The following ZNRF3 variants were observed in gnomAD, a reference collection of about 807,000 sequenced individuals.
The protein encoded by ZNRF3 is E3 ubiquitin-protein ligase ZNRF3.
A neutral mutation model predicts 72.5 loss-of-function variants in ZNRF3; 23 were observed. The observed-to-expected ratio is 0.32, with a 90% CI of 0.23 to 0.45. The LOEUF is 0.45. ZNRF3 is among the 20% of genes least tolerant of loss of function. ZNRF3 has a pLI of 1.00. For missense variants in ZNRF3, 1,169 were observed against 1,272.1 expected, an observed-to-expected ratio of 0.92 and a Z score of 1.23; for synonymous variants, 610 against 545.3, an observed-to-expected ratio of 1.12 and a Z score of -1.65.
chr22:28,999,819 A>G (rs904636716), intron 2 of ZNRF3, among the ~76,000 whole-genome samples: 2 of 152,162 alleles, frequency 1.3e-5, no homozygotes, highest in African/African-American at 4.8e-5. Context: ...GCACCTGTGC[A>G]GGAGAGCACC....
chr22:28,960,686 C>G (rs763676597), intron 1 of ZNRF3, among the ~76,000 whole-genome samples: 1 of 152,270 alleles, frequency 6.6e-6, no homozygotes, highest in South Asian at 2.1e-4. Flanking sequence ...TTTACTGCCC[C>G]CTTTTGAAAC....
intron 1 of ZNRF3, among the ~76,000 whole-genome samples, chr22:28,949,903 T>A (rs2035127051): frequency 6.6e-6 from 1 of 152,214 alleles, no homozygotes; most frequent in Admixed American, 6.5e-5. Flanking sequence ...AGGCAACCAC[T>A]GTGCTTTGGT....
At chr22:29,008,066 A>G (rs116450857) in intron 2 of ZNRF3, among the ~76,000 whole-genome samples, 10,328 of 151,890 alleles carry the variant, frequency 0.068, 570 homozygotes, top group African/African-American at 0.15. Context: ...CAGAAATTCT[A>G]TTTCTTTCCT....
chr22:28,943,517 A>G (rs2034988478), intron 1 of ZNRF3, among the ~76,000 whole-genome samples: 1 of 152,162 alleles, frequency 6.6e-6, no homozygotes, highest in Non-Finnish European at 1.5e-5. Context: ...GAGAGGGTGC[A>G]TGTGTGTTTA....
Position 28,996,298 on chromosome 22 carries a change from G to A in ZNRF3, c.426+9097G>A, listed in dbSNP as rs1191769801. Reference sequence around the variant, plus strand: ...TTTTCACTCTTATTCTCTCACAAATGTATGGTGAGGTTTTCCAGGGACATC... The same window carrying A: ...TTTTCACTCTTATTCTCTCACAAATATATGGTGAGGTTTTCCAGGGACATC... On this transcript the variant is annotated intron_variant, in intron 2 of 8. Transcript: ENST00000544604. 3.9e-5 allele frequency among the ~76,000 whole-genome samples: 6 copies of A among 152,278 alleles called. No homozygotes were observed. The East Asian group carries it at 9.6e-4, about 24-fold the overall frequency.
chr22:29,037,642 T>C (rs2036890242), intron 2 of ZNRF3, among the ~76,000 whole-genome samples: 1 of 152,208 alleles, frequency 6.6e-6, no homozygotes. Context: ...AAGTGTTTGC[T>C]CTTTTGCTAC....
At chr22:28,901,145 T>A (rs955027174) in intron 1 of ZNRF3, among the ~76,000 whole-genome samples, 3 of 152,104 alleles carry the variant, frequency 2.0e-5, no homozygotes, top group African/African-American at 4.8e-5. Context: ...AATTTTTTTT[T>A]AAATGCAGAA....
chr22:29,040,193 T>G (rs1216447506), intron 2 of ZNRF3, among the ~76,000 whole-genome samples: 2 of 151,938 alleles, frequency 1.3e-5, no homozygotes, highest in Non-Finnish European at 2.9e-5. Flanking sequence ...CCCCTTTTTT[T>G]TTTTGAGGCA....
chr22:29,012,509 G>T (rs1208168245), intron 2 of ZNRF3, among the ~76,000 whole-genome samples: 4 of 152,248 alleles, frequency 2.6e-5, no homozygotes, highest in Non-Finnish European at 2.9e-5. Context: ...TGGAAAGGCA[G>T]TTGAGTAGAG....
chr22:29,033,657 C>T (rs2036808359), intron 2 of ZNRF3, among the ~76,000 whole-genome samples: 1 of 152,118 alleles, frequency 6.6e-6, no homozygotes, highest in South Asian at 2.1e-4. Context: ...GATGAAAAAA[C>T]GATGGATGGA....
At chr22:29,044,487 C>T (rs1450094200) in intron 4 of ZNRF3, among the ~76,000 whole-genome samples, 1 of 152,206 alleles carries the variant, frequency 6.6e-6, no homozygotes, top group Non-Finnish European at 1.5e-5. Flanking sequence ...CCTTTCTTAC[C>T]AGTTACAGCC....
intron 1 of ZNRF3, among the ~76,000 whole-genome samples, chr22:28,917,816 G>A (rs973269752): frequency 2.0e-5 from 3 of 152,206 alleles, no homozygotes; most frequent in African/African-American, 7.2e-5. Flanking sequence ...TTTAGAACAG[G>A]CTCAGTCGTT....
intron 1 of ZNRF3, among the ~76,000 whole-genome samples, chr22:28,900,206 TA>T (rs2034077458): frequency 6.6e-6 from 1 of 152,162 alleles, no homozygotes; most frequent in African/African-American, 2.4e-5. Context: ...GCTCCTTATT[TA>T]TATTCCTCAC....
At chr22:29,032,487 A>G (rs2036781874) in intron 2 of ZNRF3, among the ~76,000 whole-genome samples, 1 of 152,228 alleles carries the variant, frequency 6.6e-6, no homozygotes, top group African/African-American at 2.4e-5. Context: ...CAACCAGTAA[A>G]AAGGCTGTCA....
At chr22:28,912,057 A>G (rs1428080217) in intron 1 of ZNRF3, among the ~76,000 whole-genome samples, 2 of 152,234 alleles carry the variant, frequency 1.3e-5, no homozygotes, top group Non-Finnish European at 2.9e-5. Context: ...CAGAATTCCT[A>G]GCCCTCTTCA....
intron 1 of ZNRF3, among the ~76,000 whole-genome samples, chr22:28,985,403 C>G (rs2035839361): frequency 2.0e-5 from 3 of 152,120 alleles, no homozygotes; most frequent in African/African-American, 7.2e-5. Context: ...CTCGTTTTGC[C>G]CTGATCAGTC....
intron 2 of ZNRF3, among the ~76,000 whole-genome samples, chr22:29,029,199 A>G (rs931221957): frequency 3.3e-5 from 5 of 152,194 alleles, no homozygotes; most frequent in African/African-American, 7.2e-5. Flanking sequence ...CCTGGAACCT[A>G]TGTTTCAAGT....
At chr22:29,024,984 T>A (rs1417448596) in intron 2 of ZNRF3, 1 of 146,898 alleles carries the variant, frequency 6.8e-6, no homozygotes, top group Admixed American at 6.8e-5. Context: ...TACTTTTTTT[T>A]TTTTTTTTTT....
chr22:29,003,546 A>G (rs1010458200), intron 2 of ZNRF3, among the ~76,000 whole-genome samples: 5 of 150,904 alleles, frequency 3.3e-5, no homozygotes, highest in African/African-American at 1.2e-4. Context: ...TTTGATGTGC[A>G]CGCATCTCTT....
Sources: gnomAD v4.1 joint callset for allele counts (sites outside exome capture counted in the v4.1 genomes callset) on GRCh38, gnomAD v4.1.1 for gene constraint, MANE v1.5 for transcripts, NCBI Gene and HGNC (gene_info 2026-07-23, HGNC 2026-07-21) for gene names.